SHLD2: variants seen among roughly 807,000 people sequenced by gnomAD.
SHLD2 encodes the protein RINN1-REV7-interacting novel NHEJ regulator 2.
SHLD2 carries 30 observed loss-of-function variants against 73.2 expected under a neutral mutation model. The observed-to-expected ratio is 0.41, with a 90% CI of 0.31 to 0.56. The LOEUF (loss-of-function observed/expected upper bound fraction) is 0.56, where lower values mean the gene tolerates loss of function less well. Ranked by LOEUF, SHLD2 falls within the 20% of genes least tolerant of loss-of-function variation. The pLI, the probability that SHLD2 is intolerant of heterozygous loss-of-function variation, is 0.28. For synonymous variants in SHLD2, 285 were observed against 370.1 expected, an observed-to-expected ratio of 0.77 and a Z score of 2.64; for missense variants, 745 against 1,055.9, an observed-to-expected ratio of 0.71 and a Z score of 4.08.
chr10:87,137,409 G>A (rs1470674556), intron 2 of SHLD2, among the ~76,000 whole-genome samples: 1 of 150,876 alleles, frequency 6.6e-6, no homozygotes, highest in East Asian at 1.9e-4. Context: ...GGGGAGGGAA[G>A]GGAGAAAGAA....
At chr10:87,122,809 G>A (rs1843719083) in intron 2 of SHLD2, among the ~76,000 whole-genome samples, 1 of 152,026 alleles carries the variant, frequency 6.6e-6, no homozygotes, top group African/African-American at 2.4e-5. Flanking sequence ...ACGGAGTCTC[G>A]CTCTGTCGCC....
chr10:87,179,781 G>A (rs980203246), intron 7 of SHLD2, among the ~76,000 whole-genome samples: 3 of 152,268 alleles, frequency 2.0e-5, no homozygotes, highest in Non-Finnish European at 2.9e-5. Flanking sequence ...TCAAGTATTC[G>A]AAGGGATTTC....
chr10:87,138,027 C>T (rs1844918077), intron 2 of SHLD2, among the ~76,000 whole-genome samples: 1 of 152,042 alleles, frequency 6.6e-6, no homozygotes, highest in Non-Finnish European at 1.5e-5. Flanking sequence ...AAAAGAAGTC[C>T]AGGCATGGTG....
In SHLD2 at chr10:87,188,238, C is replaced by T. The variant is rs1161960480; in HGVS notation, c.2515+1038C>T. ...ATGTGGCATGGCAGCTGAGCTCTGT[C>T]TTGTGCCTTTAGTGGGTCTTGTGTG... On this transcript the variant is annotated intron_variant, in intron 9 of 9. Coordinates refer to ENST00000298786, the MANE Select transcript of SHLD2 (RefSeq NM_001330112.2). Among the ~76,000 whole-genome samples the T allele has an allele frequency of 2.6e-5, 4 of 152,314 alleles. No individual in the cohort carries two copies. In the East Asian group the frequency reaches 7.7e-4, roughly 29 times the overall value.
intron 2 of SHLD2, among the ~76,000 whole-genome samples, chr10:87,140,117 T>A (rs1321044753): frequency 6.6e-6 from 1 of 151,996 alleles, no homozygotes; most frequent in African/African-American, 2.4e-5. Context: ...AAGCAATTAC[T>A]TTAGGAAATA....
chr10:87,136,070 G>A (rs1278713944), intron 2 of SHLD2, among the ~76,000 whole-genome samples: 1 of 151,614 alleles, frequency 6.6e-6, no homozygotes, highest in Non-Finnish European at 1.5e-5. Flanking sequence ...TGGGAGATTT[G>A]TCTCTTCTTC....
intron 2 of SHLD2, among the ~76,000 whole-genome samples, chr10:87,147,998 C>T (rs1289729589): frequency 6.6e-6 from 1 of 151,924 alleles, no homozygotes; most frequent in Non-Finnish European, 1.5e-5. Context: ...GCTGGGATTA[C>T]AGGTGCGTGC....
At chr10:87,180,884 T>C (rs907772195) in intron 8 of SHLD2, among the ~76,000 whole-genome samples, 12 of 152,236 alleles carry the variant, frequency 7.9e-5, no homozygotes, top group Non-Finnish European at 1.8e-4. Flanking sequence ...TTATGCTCCT[T>C]ATGATTATTT....
intron 2 of SHLD2, among the ~76,000 whole-genome samples, chr10:87,119,490 C>T (rs1057425283): frequency 6.6e-6 from 1 of 151,978 alleles, no homozygotes; most frequent in Non-Finnish European, 1.5e-5. Flanking sequence ...GGCCGGGCGC[C>T]GGTGGCTCAC....
intron 8 of SHLD2, among the ~76,000 whole-genome samples, chr10:87,184,668 C>A (rs1848506621): frequency 6.6e-6 from 1 of 152,140 alleles, no homozygotes; most frequent in Non-Finnish European, 1.5e-5. Flanking sequence ...GCTGCCACTC[C>A]CCTGTCGTCC....
chr10:87,120,182 T>G (rs935690241), intron 2 of SHLD2, among the ~76,000 whole-genome samples: 41 of 152,222 alleles, frequency 2.7e-4, no homozygotes, highest in African/African-American at 9.1e-4. Flanking sequence ...TAAAAGAGAT[T>G]ACCAATATTT....
At chr10:87,159,566 G>A (rs995355192) in intron 4 of SHLD2, among the ~76,000 whole-genome samples, 1 of 152,210 alleles carries the variant, frequency 6.6e-6, no homozygotes, top group Non-Finnish European at 1.5e-5. Context: ...GAATGCCGTG[G>A]TTCTAGTTGA....
chr10:87,128,239 A>C (rs890817852), intron 2 of SHLD2, among the ~76,000 whole-genome samples: 2 of 152,228 alleles, frequency 1.3e-5, no homozygotes, highest in Non-Finnish European at 2.9e-5. Context: ...ACATTTAAAA[A>C]ATTGATTTAC....
chr10:87,128,283 A>G (rs1844180461), intron 2 of SHLD2, among the ~76,000 whole-genome samples: 1 of 152,234 alleles, frequency 6.6e-6, no homozygotes, highest in African/African-American at 2.4e-5. Context: ...AATTATTTGC[A>G]TGATTTGCTG....
intron 2 of SHLD2, among the ~76,000 whole-genome samples, chr10:87,119,964 C>G (rs1250990978): frequency 6.6e-6 from 1 of 151,960 alleles, no homozygotes. Context: ...ATAGGGATTT[C>G]TCAGTTTTCA....
intron 8 of SHLD2, among the ~76,000 whole-genome samples, chr10:87,184,539 G>T (rs1183500920): frequency 6.6e-6 from 1 of 151,982 alleles, no homozygotes. Context: ...TCTTGGTGGG[G>T]CTCCTCCTGG....
intron 2 of SHLD2, among the ~76,000 whole-genome samples, chr10:87,133,859 CTTATAAT>C (rs1384123018): frequency 6.6e-6 from 1 of 152,198 alleles, no homozygotes; most frequent in African/African-American, 2.4e-5. Context: ...CAAGCTTAAA[CTTATAAT>C]TTATAAAGAA....
intron 2 of SHLD2, among the ~76,000 whole-genome samples, chr10:87,120,527 G>A (rs1232036612): frequency 4.6e-5 from 7 of 151,906 alleles, no homozygotes; most frequent in African/African-American, 1.4e-4. Context: ...GATTACAGGC[G>A]TGAACCACCG....
Position 87,184,010 on chromosome 10 carries a change from A to C in SHLD2, c.2400-3075A>C, listed in dbSNP as rs1848467104. Among the ~76,000 whole-genome samples the C allele has an allele frequency of 2.0e-5, 3 of 152,238 alleles. 1 individual carries two copies. The South Asian group carries it at 6.2e-4, about 32-fold the overall frequency. ...CTGATTTTCTCCTCCAGGCTCCAGT[A>C]GTCAGGTATCAAATTCTTTGCTTGA... On this transcript the variant is annotated intron_variant, in intron 8 of 9. Transcript: ENST00000298786.
Sources: allele counts gnomAD v4.1 joint callset (sites outside exome capture counted in the v4.1 genomes callset), GRCh38; gene constraint gnomAD v4.1.1; transcripts MANE v1.5; gene names NCBI Gene and HGNC (gene_info 2026-07-23, HGNC 2026-07-21).